The following SPMAP2L variants were observed in gnomAD, a reference collection of about 807,000 sequenced individuals.
The protein encoded by SPMAP2L is sperm microtubule associated protein 2 like.
chr4:56,610,139 C>G, the SPMAP2L span, among the ~76,000 whole-genome samples: 1 of 152,012 alleles, frequency 6.6e-6, no homozygotes, highest in Admixed American at 6.6e-5. Flanking sequence ...GCCTGCATAC[C>G]CAAAGCAGGA....
the SPMAP2L span, among the ~76,000 whole-genome samples, chr4:56,599,579 G>C: frequency 6.6e-6 from 1 of 152,032 alleles, no homozygotes; most frequent in Non-Finnish European, 1.5e-5. Flanking sequence ...ACAGGCCCTG[G>C]TGTGTGTTGT....
At chr4:56,548,349 A>G in the SPMAP2L span, among the ~76,000 whole-genome samples, 1 of 151,948 alleles carries the variant, frequency 6.6e-6, no homozygotes, top group Non-Finnish European at 1.5e-5. Flanking sequence ...TTTAATTTTG[A>G]CACTTACCTT....
At chr4:56,584,969 T>A in the SPMAP2L span, among the ~76,000 whole-genome samples, 1,040 of 152,274 alleles carry the variant, frequency 6.8e-3, 13 homozygotes, top group African/African-American at 0.024. Context: ...AATATGTCTA[T>A]GATAGGGGAA....
the SPMAP2L span, among the ~76,000 whole-genome samples, chr4:56,617,556 G>T: frequency 6.6e-6 from 1 of 152,152 alleles, no homozygotes; most frequent in Non-Finnish European, 1.5e-5. Flanking sequence ...CAGATGGGCA[G>T]GGTGTTGGGC....
At chr4:56,544,424 C>T in the SPMAP2L span, among the ~76,000 whole-genome samples, 1 of 152,052 alleles carries the variant, frequency 6.6e-6, no homozygotes. Context: ...GAAAATCATG[C>T]CTCATACTCA....
At chr4:56,538,408 G>A in the SPMAP2L span, among the ~76,000 whole-genome samples, 1 of 152,182 alleles carries the variant, frequency 6.6e-6, no homozygotes, top group Non-Finnish European at 1.5e-5. Context: ...AGGTGGGAAA[G>A]CTAATCTTTT....
chr4:56,620,402 T>TG, the SPMAP2L span, among the ~76,000 whole-genome samples: 1 of 150,290 alleles, frequency 6.7e-6, no homozygotes, highest in Non-Finnish European at 1.5e-5. Context: ...TTTTTTTTTT[T>TG]GAGACGGAAT....
chr4:56,542,853 C>T, the SPMAP2L span, among the ~76,000 whole-genome samples: 3 of 152,084 alleles, frequency 2.0e-5, no homozygotes, highest in African/African-American at 7.2e-5. Context: ...CAGATGGTTT[C>T]AACAACCAGT....
the SPMAP2L span, among the ~76,000 whole-genome samples, chr4:56,574,370 G>T: frequency 6.6e-6 from 1 of 151,356 alleles, no homozygotes; most frequent in African/African-American, 2.4e-5. Flanking sequence ...CATGAGCCAT[G>T]ATTGTGCCAC....
chr4:56,593,366 A>G, the SPMAP2L span: 1 of 1,241,280 alleles, frequency 8.1e-7, no homozygotes, highest in East Asian at 2.3e-5. Flanking sequence ...ACTCGAGCCA[A>G]ATATACTGGA....
chr4:56,593,665 C>G, the SPMAP2L span: 2 of 1,604,286 alleles, frequency 1.2e-6, no homozygotes, highest in African/African-American at 1.3e-5. Flanking sequence ...TTTTTGCCGT[C>G]CGAGAAAGCT....
the SPMAP2L span, among the ~76,000 whole-genome samples, chr4:56,580,090 A>G: frequency 6.6e-6 from 1 of 152,218 alleles, no homozygotes; most frequent in Non-Finnish European, 1.5e-5. Flanking sequence ...TTATCCTGAT[A>G]ATAAAACCAG....
the SPMAP2L span, among the ~76,000 whole-genome samples, chr4:56,585,600 C>T: frequency 6.7e-6 from 1 of 150,110 alleles, no homozygotes; most frequent in Non-Finnish European, 1.5e-5. Flanking sequence ...CCTTGACCTC[C>T]CAAAATGCTG....
chr4:56,559,814 G>A, the SPMAP2L span, among the ~76,000 whole-genome samples: 2 of 152,150 alleles, frequency 1.3e-5, no homozygotes, highest in African/African-American at 4.8e-5. Context: ...TGACCTGCCT[G>A]CCTTGGCCTC....
chr4:56,612,710 G>T, the SPMAP2L span, among the ~76,000 whole-genome samples: 1 of 152,124 alleles, frequency 6.6e-6, no homozygotes, highest in African/African-American at 2.4e-5. Flanking sequence ...TGGGCTACAG[G>T]TGCGTGCCTC....
At chr4:56,619,002 A>G in the SPMAP2L span, among the ~76,000 whole-genome samples, 1 of 152,198 alleles carries the variant, frequency 6.6e-6, no homozygotes. Context: ...AAAGGCAGAC[A>G]TATGGCTTAT....
chr4:56,570,674 A>G, the SPMAP2L span, among the ~76,000 whole-genome samples: 8 of 152,346 alleles, frequency 5.3e-5, no homozygotes, highest in African/African-American at 1.9e-4. Flanking sequence ...GGCCCAGGAC[A>G]TGACTGCATG....
the SPMAP2L span, among the ~76,000 whole-genome samples, chr4:56,601,605 A>G: frequency 7.2e-5 from 11 of 152,040 alleles, no homozygotes; most frequent in African/African-American, 1.7e-4. Context: ...TCAAAAAAAT[A>G]CCAAAAATTA....
At chr4:56,611,051 T>C in the SPMAP2L span, among the ~76,000 whole-genome samples, 1 of 152,130 alleles carries the variant, frequency 6.6e-6, no homozygotes, top group African/African-American at 2.4e-5. Flanking sequence ...CTTAGAAAAC[T>C]AAAAGTAGAA....
Sources: allele counts gnomAD v4.1 joint callset (sites outside exome capture counted in the v4.1 genomes callset), GRCh38; gene constraint gnomAD v4.1.1; transcripts MANE v1.5; gene names NCBI Gene and HGNC (gene_info 2026-07-23, HGNC 2026-07-21).